Variants in ZFHX3 observed in about 807,000 individuals in gnomAD.
ZFHX3 encodes the protein zinc finger homeobox 3, also known as zinc finger homeobox protein 3.
ZFHX3 carries 42 observed loss-of-function variants against 279.1 expected under a neutral mutation model. That is an observed-to-expected ratio of 0.15 (90% CI 0.12 to 0.19). ZFHX3 has a LOEUF of 0.19. ZFHX3 is among the 10% of genes least tolerant of loss of function. The pLI is 1.00. For missense variants in ZFHX3, 4,981 were observed against 4,754.0 expected, an observed-to-expected ratio of 1.05 and a Z score of -1.40; for synonymous variants, 2,293 against 1,957.8, an observed-to-expected ratio of 1.17 and a Z score of -4.52.
intron 4 of ZFHX3, among the ~76,000 whole-genome samples, chr16:72,881,815 A>G (rs1444335507): frequency 6.6e-6 from 1 of 152,188 alleles, no homozygotes; most frequent in Non-Finnish European, 1.5e-5. Flanking sequence ...CCCCAAATCC[A>G]GGGACAGCAC....
chr16:73,724,446 A>C (rs986243554), intron 1 of ZFHX3, among the ~76,000 whole-genome samples: 1 of 152,220 alleles, frequency 6.6e-6, no homozygotes, highest in African/African-American at 2.4e-5. Flanking sequence ...TGGGGCAACC[A>C]GGTGTCATCA....
intron 2 of ZFHX3, among the ~76,000 whole-genome samples, chr16:73,673,274 A>G (rs559098932): frequency 1.3e-5 from 2 of 152,258 alleles, no homozygotes; most frequent in African/African-American, 4.8e-5. Flanking sequence ...TAATTTTCCT[A>G]CTTTTAAGCT....
intron 2 of ZFHX3, among the ~76,000 whole-genome samples, chr16:73,478,394 T>C (rs1021181737): frequency 6.6e-6 from 1 of 152,172 alleles, no homozygotes; most frequent in Non-Finnish European, 1.5e-5. Context: ...CCAGGCTTCT[T>C]CCCTGCTAGT....
At chr16:73,741,223 T>G in intron 1 of ZFHX3, among the ~76,000 whole-genome samples, 1 of 152,030 alleles carries the variant, frequency 6.6e-6, no homozygotes, top group Admixed American at 6.6e-5. Context: ...GGCCACCTTT[T>G]ATAATAAAAT....
At chr16:73,767,840 G>C (rs1453415200) in intron 1 of ZFHX3, among the ~76,000 whole-genome samples, 1 of 152,174 alleles carries the variant, frequency 6.6e-6, no homozygotes, top group Non-Finnish European at 1.5e-5. Context: ...GTACCAGTCA[G>C]AGCCCCAGCA....
intron 3 of ZFHX3, chr16:73,402,401 T>C (rs1299379944): frequency 2.6e-5 from 4 of 152,222 alleles, no homozygotes; most frequent in Admixed American, 1.3e-4. Flanking sequence ...CAATTCCCCA[T>C]GGCCTGATAC....
intron 2 of ZFHX3, among the ~76,000 whole-genome samples, chr16:73,580,327 A>C (rs921254442): frequency 1.3e-5 from 2 of 151,864 alleles, no homozygotes; most frequent in Admixed American, 1.3e-4. Context: ...AAAATACAAA[A>C]ATTAGCTGGG....
intron 5 of ZFHX3, among the ~76,000 whole-genome samples, chr16:72,815,820 C>T (rs1012179329): frequency 1.3e-5 from 2 of 152,120 alleles, no homozygotes; most frequent in African/African-American, 2.4e-5. Context: ...TGGTTTACAT[C>T]GGCAACAAAA....
At chr16:73,884,245 A>C (rs938134350) in intron 1 of ZFHX3, among the ~76,000 whole-genome samples, 1 of 152,190 alleles carries the variant, frequency 6.6e-6, no homozygotes, top group African/African-American at 2.4e-5. Flanking sequence ...ACTGATCTGA[A>C]TACAACACCT....
At chr16:72,996,477 T>C (rs569087642) in intron 1 of ZFHX3, among the ~76,000 whole-genome samples, 4 of 152,318 alleles carry the variant, frequency 2.6e-5, no homozygotes, top group African/African-American at 9.6e-5. Context: ...TGGTCCTCAA[T>C]AAAGGGCTAG....
At chr16:73,188,011 G>A (rs915182045) in intron 5 of ZFHX3, among the ~76,000 whole-genome samples, 3 of 152,012 alleles carry the variant, frequency 2.0e-5, no homozygotes, top group Non-Finnish European at 4.4e-5. Flanking sequence ...ACAGGCGCCT[G>A]CCACCACGCC....
chr16:73,281,864 T>A (rs576741748), intron 4 of ZFHX3, among the ~76,000 whole-genome samples: 1 of 152,154 alleles, frequency 6.6e-6, no homozygotes, highest in Admixed American at 6.5e-5. Context: ...AATATAAATA[T>A]GATCAGGGGT....
intron 9 of ZFHX3, 78 bp from the exon 10 acceptor site, chr16:72,788,926 C>T (rs745975130): frequency 6.0e-6 from 9 of 1,493,066 alleles, no homozygotes; most frequent in Non-Finnish European, 8.0e-6. Flanking sequence ...TTACCGGTGT[C>T]ACTGGCACAC....
At chr16:73,237,203 C>T (rs1161294913) in intron 5 of ZFHX3, among the ~76,000 whole-genome samples, 1 of 152,124 alleles carries the variant, frequency 6.6e-6, no homozygotes, top group Non-Finnish European at 1.5e-5. Context: ...TTCATAGGTT[C>T]TTATAAAAAA....
intron 4 of ZFHX3, among the ~76,000 whole-genome samples, chr16:73,269,809 C>T (rs1013219720): frequency 6.6e-5 from 10 of 151,586 alleles, no homozygotes; most frequent in African/African-American, 7.3e-5. Context: ...AGTGCGGTGG[C>T]GTGATCTTGG....
chr16:73,302,687 C>T (rs2015084409), intron 4 of ZFHX3, among the ~76,000 whole-genome samples: 1 of 152,162 alleles, frequency 6.6e-6, no homozygotes, highest in African/African-American at 2.4e-5. Flanking sequence ...TGAGGTCAAG[C>T]GTGGGACCTC....
At chr16:72,978,790 G>C (rs1962465961) in intron 1 of ZFHX3, among the ~76,000 whole-genome samples, 1 of 152,160 alleles carries the variant, frequency 6.6e-6, no homozygotes, top group Non-Finnish European at 1.5e-5. Context: ...GAAAAGGGGA[G>C]GCCACTATAC....
intron 5 of ZFHX3, among the ~76,000 whole-genome samples, chr16:72,829,013 C>T (rs1474480258): frequency 6.7e-6 from 1 of 149,622 alleles, no homozygotes; most frequent in Non-Finnish European, 1.5e-5. Context: ...TTTTTTTCCC[C>T]GAGATAGAGT....
intron 2 of ZFHX3, among the ~76,000 whole-genome samples, chr16:73,494,994 G>A (rs1258152549): frequency 6.6e-6 from 1 of 152,122 alleles, no homozygotes; most frequent in East Asian, 1.9e-4. Flanking sequence ...TTTCTCTTTT[G>A]TATCAATCGT....
Sources: allele counts gnomAD v4.1 joint callset (sites outside exome capture counted in the v4.1 genomes callset), GRCh38; gene constraint gnomAD v4.1.1; transcripts MANE v1.5; gene names NCBI Gene and HGNC (gene_info 2026-07-23, HGNC 2026-07-21).